DEPDC7: variants seen among roughly 807,000 people sequenced by gnomAD.
DEPDC7 encodes the protein DEP domain containing 7.
In DEPDC7, 41 loss-of-function variants were observed where a neutral mutation model predicts 56.6. The ratio of observed to expected loss-of-function variants is 0.72; its 90% CI spans 0.56 to 0.94. The LOEUF (loss-of-function observed/expected upper bound fraction) is 0.94. Ranked by LOEUF, DEPDC7 falls within the 40% of genes least tolerant of loss-of-function variation. DEPDC7 has a pLI of 0.00. For missense variants in DEPDC7, 522 were observed against 596.3 expected, an observed-to-expected ratio of 0.88 and a Z score of 1.30; for synonymous variants, 185 against 208.8, an observed-to-expected ratio of 0.89 and a Z score of 0.98.
chr11:33,021,330 A>C (rs903500268), intron 1 of DEPDC7, among the ~76,000 whole-genome samples: 1 of 152,162 alleles, frequency 6.6e-6, no homozygotes, highest in Non-Finnish European at 1.5e-5. Flanking sequence ...GGATTTTAAA[A>C]GGTTGTTTAG....
intron 1 of DEPDC7, 144 bp downstream of exon 1, chr11:33,016,172 C>T: frequency 7.9e-7 from 1 of 1,259,324 alleles, no homozygotes; most frequent in Non-Finnish European, 9.9e-7. Flanking sequence ...ACAGCTGCGA[C>T]CACTTGGCCA....
At chr11:33,025,254 T>C (rs576289666) in intron 1 of DEPDC7, among the ~76,000 whole-genome samples, 1 of 152,358 alleles carries the variant, frequency 6.6e-6, no homozygotes, top group East Asian at 1.9e-4. Flanking sequence ...TCTTGCTTCT[T>C]GGTTTTACTT....
intron 1 of DEPDC7, among the ~76,000 whole-genome samples, chr11:33,019,173 G>T (rs776000832): frequency 6.6e-6 from 1 of 152,070 alleles, no homozygotes; most frequent in Admixed American, 6.5e-5. Context: ...TCAACCCAAG[G>T]TTTCTTAACC....
intron 1 of DEPDC7, among the ~76,000 whole-genome samples, chr11:33,017,740 G>A (rs1057304084): frequency 2.0e-5 from 3 of 152,104 alleles, no homozygotes; most frequent in Non-Finnish European, 4.4e-5. Context: ...TTGTACTTTT[G>A]TTTCTCCACC....
chr11:33,029,311 G>A (rs866881821), intron 4 of DEPDC7, among the ~76,000 whole-genome samples: 3 of 151,496 alleles, frequency 2.0e-5, no homozygotes, highest in South Asian at 2.1e-4. Flanking sequence ...CAGCCTGGCC[G>A]ACATGGTAAA....
At chr11:33,021,249 CAAAAAAAA>C (rs761364901) in intron 1 of DEPDC7, among the ~76,000 whole-genome samples, 1 of 115,852 alleles carries the variant, frequency 8.6e-6, no homozygotes, top group African/African-American at 3.4e-5. Flanking sequence ...GACACCATCT[CAAAAAAAA>C]AAAAAGAAAA....
intron 6 of DEPDC7, 84 bp downstream of exon 6, chr11:33,032,562 C>A: frequency 7.3e-7 from 1 of 1,362,794 alleles, no homozygotes; most frequent in Non-Finnish European, 1.0e-6. Flanking sequence ...TCTTCAGCAT[C>A]AAGTATGCTG....
At chr11:33,033,192 T>A in intron 8 of DEPDC7, 70 bp from the exon 9 acceptor site, 1 of 1,223,456 alleles carries the variant, frequency 8.2e-7, no homozygotes. Flanking sequence ...GACAAGAATA[T>A]TGCTTGATTT....
chr11:33,016,141 G>A (rs1476574214), intron 1 of DEPDC7, 113 bp downstream of exon 1: 2 of 1,234,988 alleles, frequency 1.6e-6, no homozygotes, highest in Non-Finnish European at 2.0e-6. Flanking sequence ...GCCTGTCAAC[G>A]GCCGGCTGGG....
intron 1 of DEPDC7, among the ~76,000 whole-genome samples, chr11:33,022,365 G>T (rs917603374): frequency 1.3e-5 from 2 of 152,084 alleles, no homozygotes; most frequent in Non-Finnish European, 2.9e-5. Flanking sequence ...TTATCTGATG[G>T]CTGACTTTTC....
chr11:33,032,495 A>C lies in DEPDC7; in HGVS notation c.1137+17A>C. ...CAGAAAGAAGTAAGTCTTTTGTTTAACTGTTAGTTGTATTTAATATCCTTA... is the reference window on the plus strand; with the variant it reads ...CAGAAAGAAGTAAGTCTTTTGTTTACCTGTTAGTTGTATTTAATATCCTTA... On this transcript the variant is annotated intron_variant, in intron 6 of 8. Transcript: ENST00000241051. 1 of 1,548,318 alleles carries C rather than the reference A, an allele frequency of 6.5e-7. No individual in the cohort carries two copies.
At chr11:33,030,731 G>T (rs572692454) in intron 4 of DEPDC7, among the ~76,000 whole-genome samples, 1 of 151,886 alleles carries the variant, frequency 6.6e-6, no homozygotes, top group African/African-American at 2.4e-5. Context: ...TTACAGGGGC[G>T]CACCACCACA....
At position 33,025,924 on chromosome 11, in the gene DEPDC7, CAA is replaced by C. The variant is rs1853573291; in HGVS notation, c.341_342del (p.Lys114SerfsTer11). On this transcript the variant is annotated frameshift_variant, in exon 2 of 9. Transcript: ENST00000241051. LOFTEE classifies it high-confidence loss of function. ...ACAAAGTATTTGAAGCAGTTCCAAC[CAA>C]AGTCTTTGGAAAAGACAAAAAACCT... is the stretch of plus-strand genomic sequence containing the variant. The part of the protein sequence containing the change: ...DYKVFEAVPT[K>X]VFGKDKKPTF... 5 of 1,614,050 alleles carry C rather than the reference CAA, an allele frequency of 3.1e-6. No individual in the cohort carries two copies. The highest frequency in any genetic ancestry group is 1.7e-6 in the Non-Finnish European group (2 of 1,179,986).
At chr11:33,028,500 T>C in intron 3 of DEPDC7, 103 bp from the exon 4 acceptor site, 1 of 900,326 alleles carries the variant, frequency 1.1e-6, no homozygotes, top group Non-Finnish European at 1.6e-6. Context: ...TTCTTTCTTT[T>C]TGGCCACAAA....
chr11:33,017,614 G>A (rs1346752861), intron 1 of DEPDC7, among the ~76,000 whole-genome samples: 1 of 152,172 alleles, frequency 6.6e-6, no homozygotes, highest in African/African-American at 2.4e-5. Context: ...GGTAACATTT[G>A]TTAGCCTTTC....
At chr11:33,028,063 A>G (rs1474469155) in intron 3 of DEPDC7, 2 of 323,546 alleles carry the variant, frequency 6.2e-6, no homozygotes, top group Admixed American at 4.9e-5. Flanking sequence ...GATGTTTTGC[A>G]TGCAGATTTG....
intron 1 of DEPDC7, among the ~76,000 whole-genome samples, chr11:33,021,758 A>C (rs578250432): frequency 1.3e-5 from 2 of 152,296 alleles, no homozygotes; most frequent in African/African-American, 4.8e-5. Flanking sequence ...GCATTGTATC[A>C]TGCCTGGAGG....
chr11:33,016,224 G>T, intron 1 of DEPDC7, 196 bp downstream of exon 1: 1 of 1,307,344 alleles, frequency 7.6e-7, no homozygotes, highest in Middle Eastern at 2.9e-4. Flanking sequence ...TCTCTGGCTG[G>T]TGGGCTGCAA....
At chr11:33,022,180 G>A (rs1853530581) in intron 1 of DEPDC7, among the ~76,000 whole-genome samples, 1 of 152,130 alleles carries the variant, frequency 6.6e-6, no homozygotes, top group Non-Finnish European at 1.5e-5. Flanking sequence ...CTTACCCTGT[G>A]TACTGTGGTA....
Sources: allele counts gnomAD v4.1 joint callset (sites outside exome capture counted in the v4.1 genomes callset), GRCh38; gene constraint gnomAD v4.1.1; transcripts MANE v1.5; gene names NCBI Gene and HGNC (gene_info 2026-07-23, HGNC 2026-07-21).